Variants in OOSP3 observed in about 807,000 individuals in gnomAD.
OOSP3 encodes oocyte secreted protein family member 3.
chr11:59,886,791 CTTT>C (rs562190268), intron 2 of OOSP3, among the ~76,000 whole-genome samples: 5,163 of 139,254 alleles, frequency 0.037, 283 homozygotes, highest in African/African-American at 0.12. Flanking sequence ...CATTTGCCCA[CTTT>C]TTTTTTTTTT....
chr11:59,895,721 G>A, intron 4 of OOSP3, 69 bp downstream of exon 4: 1 of 397,846 alleles, frequency 2.5e-6, no homozygotes, highest in Non-Finnish European at 4.4e-6. Context: ...ACATAAGGAA[G>A]TAAAAGCTCA....
chr11:59,896,286 C>T, exon 5 of OOSP3: 1 of 397,208 alleles, frequency 2.5e-6, no homozygotes, highest in Non-Finnish European at 4.4e-6. Flanking sequence ...CCACTCACTA[C>T]AGATTTATCA....
chr11:59,891,178 C>G (rs1853308889), intron 2 of OOSP3, among the ~76,000 whole-genome samples: 1 of 152,142 alleles, frequency 6.6e-6, no homozygotes, highest in South Asian at 2.1e-4. Flanking sequence ...CTCTTGTAAT[C>G]TTTTATCATG....
At chr11:59,879,719 A>G (rs925021238) in intron 1 of OOSP3, among the ~76,000 whole-genome samples, 4 of 152,302 alleles carry the variant, frequency 2.6e-5, no homozygotes, top group Non-Finnish European at 5.9e-5. Context: ...TTCCTTTTGC[A>G]TCATAGAAGG....
intron 2 of OOSP3, among the ~76,000 whole-genome samples, chr11:59,891,325 G>T (rs560723990): frequency 1.3e-5 from 2 of 152,310 alleles, no homozygotes; most frequent in Admixed American, 6.5e-5. Context: ...TGCTGAAGAG[G>T]TGTTGTAATC....
chr11:59,880,378 A>G (rs1853188324), exon 2 of OOSP3: 2 of 398,582 alleles, frequency 5.0e-6, no homozygotes, highest in Admixed American at 8.8e-5. Flanking sequence ...CCTGTAACCA[A>G]TGTAACTGCG....
chr11:59,887,304 T>C (rs1352341654), intron 2 of OOSP3, among the ~76,000 whole-genome samples: 3 of 152,204 alleles, frequency 2.0e-5, no homozygotes, highest in African/African-American at 4.8e-5. Context: ...CAATTTTTGC[T>C]TTTGTTGCAA....
At chr11:59,889,628 A>C (rs1362616103) in intron 2 of OOSP3, among the ~76,000 whole-genome samples, 1 of 152,090 alleles carries the variant, frequency 6.6e-6, no homozygotes, top group Non-Finnish European at 1.5e-5. Flanking sequence ...CTTAATCTTG[A>C]GTTCTAATTT....
At chr11:59,881,493 C>T (rs1853200849) in intron 2 of OOSP3, among the ~76,000 whole-genome samples, 1 of 152,024 alleles carries the variant, frequency 6.6e-6, no homozygotes, top group Non-Finnish European at 1.5e-5. Flanking sequence ...GTGATTAAGG[C>T]AATAGAACTA....
At chr11:59,879,123 G>A (rs1739312239) in intron 1 of OOSP3, among the ~76,000 whole-genome samples, 1 of 152,012 alleles carries the variant, frequency 6.6e-6, no homozygotes, top group African/African-American at 2.4e-5. Flanking sequence ...GTTTTCTATT[G>A]TGTTTTGTCA....
At chr11:59,886,827 G>T (rs1853265144) in intron 2 of OOSP3, among the ~76,000 whole-genome samples, 2 of 139,476 alleles carry the variant, frequency 1.4e-5, no homozygotes, top group Non-Finnish European at 1.5e-5. Context: ...GTCTTGCTCT[G>T]TCACCCAGGC....
chr11:59,879,928 C>T (rs1161367841), intron 1 of OOSP3, among the ~76,000 whole-genome samples: 3 of 152,172 alleles, frequency 2.0e-5, no homozygotes, highest in Non-Finnish European at 2.9e-5. Flanking sequence ...AAACTCAAGG[C>T]CAGCACACCA....
In OOSP3 at chr11:59,889,093, A is replaced by C. The variant is rs1853287119; in HGVS notation, c.253-4986A>C. Among the ~76,000 whole-genome samples the C allele has an allele frequency of 2.0e-5, 3 of 151,996 alleles. No individual in the cohort carries two copies. The South Asian group carries it at 6.2e-4, about 32-fold the overall frequency. On this transcript the variant is annotated intron_variant, in intron 2 of 4. Coordinates refer to ENST00000646438, the Ensembl canonical transcript of OOSP3. ...AGATTTTCTAGTTTGAGGTGTTTATAGTATTCTCTGATGGTTGGTTGTATT... is the reference window on the plus strand; with the variant it reads ...AGATTTTCTAGTTTGAGGTGTTTATCGTATTCTCTGATGGTTGGTTGTATT...
intron 2 of OOSP3, 21 bp downstream of exon 2, chr11:59,880,460 A>C: frequency 2.5e-6 from 1 of 398,530 alleles, no homozygotes; most frequent in Non-Finnish European, 4.4e-6. Context: ...CAAGCAGTTC[A>C]AATAATAAAC....
intron 2 of OOSP3, among the ~76,000 whole-genome samples, chr11:59,884,483 C>G (rs753066729): frequency 2.5e-3 from 229 of 91,374 alleles, no homozygotes; most frequent in African/African-American, 6.5e-3. Context: ...CTGTCTCTCT[C>G]TCTCTCTCTC....
chr11:59,884,405 T>G (rs555535494), intron 2 of OOSP3, among the ~76,000 whole-genome samples: 3 of 152,178 alleles, frequency 2.0e-5, no homozygotes, highest in Admixed American at 1.3e-4. Context: ...TTTTTTTTTT[T>G]GGGTGGATCT....
chr11:59,892,907 A>G (rs1279627518), intron 2 of OOSP3, among the ~76,000 whole-genome samples: 5 of 152,218 alleles, frequency 3.3e-5, no homozygotes, highest in Admixed American at 6.5e-5. Flanking sequence ...TGCTCCTTGA[A>G]TTGTTGCAAG....
intron 2 of OOSP3, among the ~76,000 whole-genome samples, chr11:59,893,649 G>A (rs1447871654): frequency 6.6e-6 from 1 of 152,182 alleles, no homozygotes; most frequent in Non-Finnish European, 1.5e-5. Flanking sequence ...GAGCCACCAT[G>A]CTGGACCAAC....
chr11:59,879,826 G>A (rs1391948035), intron 1 of OOSP3, among the ~76,000 whole-genome samples: 1 of 152,110 alleles, frequency 6.6e-6, no homozygotes, highest in African/African-American at 2.4e-5. Flanking sequence ...TCACCCACAC[G>A]GGATGTAGAT....
Sources: gnomAD v4.1 joint callset for allele counts (sites outside exome capture counted in the v4.1 genomes callset) on GRCh38, gnomAD v4.1.1 for gene constraint, MANE v1.5 for transcripts, NCBI Gene and HGNC (gene_info 2026-07-23, HGNC 2026-07-21) for gene names.